The following THSD1 variants were observed in gnomAD, a reference collection of about 807,000 sequenced individuals.
The protein encoded by THSD1 is thrombospondin type-1 domain-containing protein 1.
In THSD1, 34 loss-of-function variants were observed where a neutral mutation model predicts 46.3. The observed-to-expected ratio is 0.74, with a 90% CI of 0.56 to 0.98. THSD1 has a LOEUF of 0.98. Among genes scored for constraint, THSD1 ranks in the 50% least tolerant of loss-of-function variants. The pLI is 0.00. For missense variants in THSD1, 1,023 were observed against 1,058.3 expected (o/e 0.97, Z 0.46); for synonymous variants, 407 against 416.5 (o/e 0.98, Z 0.28).
chr13:52,401,968 C>T (rs932789367), intron 2 of THSD1, among the ~76,000 whole-genome samples: 15 of 152,138 alleles, frequency 9.9e-5, no homozygotes, highest in Admixed American at 7.9e-4. Flanking sequence ...TTAGGTGAAA[C>T]GAATGACGAG....
At chr13:52,403,320 G>C (rs1376186419) in intron 1 of THSD1, among the ~76,000 whole-genome samples, 1 of 152,102 alleles carries the variant, frequency 6.6e-6, no homozygotes, top group African/African-American at 2.4e-5. Context: ...GGAGAAAACA[G>C]ACAAATAACA....
intron 2 of THSD1, among the ~76,000 whole-genome samples, chr13:52,402,074 T>C (rs1367065194): frequency 1.3e-5 from 2 of 152,218 alleles, no homozygotes; most frequent in Admixed American, 6.5e-5. Context: ...ATTGCTGAGA[T>C]TGAAAGAGAT....
rs763997995 is a variant in THSD1 at position 52,397,595 on chromosome 13, T to C, written c.658A>G (p.Lys220Glu). The change falls in exon 3 of 5, where the codon AAG (lysine) becomes GAG (glutamate). Residue 220 changes from lysine (K) to glutamate (E), a missense_variant. Physicochemically the swap from Lys to Glu is moderately conservative, Grantham distance 56. Coordinates refer to ENST00000258613, the MANE Select transcript of THSD1 (RefSeq NM_018676.4). ...GPEAYVTVVL[K>E]LLGRDSVITS... ...ATGACTGAGTCTCGCCCAAGCAGCT[T>C]CAGCACCACGGTGACATAGGCTTCT... 1.4e-5 allele frequency: 23 copies of C among 1,614,052 alleles called. No individual in the cohort carries two copies. In the Admixed American group the frequency reaches 3.8e-4, roughly 27 times the overall value.
rs954970629 is a variant in THSD1, at chr13:52,397,218, AT to A, written c.1021+13del. 5 of 1,526,482 alleles carry A rather than the reference AT, an allele frequency of 3.3e-6. No homozygotes were observed. Among genetic ancestry groups the A allele is most frequent in the East Asian group, 2.3e-5 (1 of 44,176 alleles). 94.6% of individuals were successfully genotyped at this position (1,526,482 alleles called of 1,614,324 possible). On this transcript the variant is annotated intron_variant, in intron 3 of 4. Coordinates refer to ENST00000258613, the MANE Select transcript of THSD1 (RefSeq NM_018676.4). ...GGATTTGATTTAAAATGTTAAAAAA[AT>A]CTCAATACAAACCTGTATTTCTCTG...
intron 4 of THSD1, 32 bp from the exon 5 acceptor site, chr13:52,378,821 CAAAA>C (rs753949907): frequency 4.6e-6 from 7 of 1,524,854 alleles, no homozygotes; most frequent in Non-Finnish European, 5.2e-6. Context: ...AACAAACAAA[CAAAA>C]AACACAGAGG....
At chr13:52,399,384 T>G (rs957640272) in intron 2 of THSD1, among the ~76,000 whole-genome samples, 1 of 152,226 alleles carries the variant, frequency 6.6e-6, no homozygotes, top group Non-Finnish European at 1.5e-5. Flanking sequence ...TGTAAGGGAT[T>G]GAAGTTCCCT....
chr13:52,395,989 C>G (rs748190319), intron 3 of THSD1, among the ~76,000 whole-genome samples: 1 of 151,882 alleles, frequency 6.6e-6, no homozygotes, highest in East Asian at 1.9e-4. Flanking sequence ...TCCTGGCAGG[C>G]GTATCAAAAG....
intron 3 of THSD1, among the ~76,000 whole-genome samples, chr13:52,386,912 A>G (rs1957735469): frequency 6.6e-6 from 1 of 152,184 alleles, no homozygotes. Flanking sequence ...GGAAGAGCCA[A>G]AAATATCCTG....
At position 52,377,679 on chromosome 13, in the gene THSD1, G is replaced by T. The variant is rs1957644300; in HGVS notation, c.2291C>A (p.Ser764Tyr). The T allele has an allele frequency of 6.8e-6, 11 of 1,609,258 alleles. 1 individual carries two copies. The Admixed American group carries it at 1.7e-4, about 24-fold the overall frequency. The change falls in exon 5 of 5, where the codon TCC (serine) becomes TAC (tyrosine). Residue 764 changes from serine (S) to tyrosine (Y), a missense_variant. Physicochemically the swap from Ser to Tyr is moderately radical, Grantham distance 144. Coordinates refer to ENST00000258613, the MANE Select transcript of THSD1 (RefSeq NM_018676.4). ...TEPHRARRGP[S>Y]PSHKSVSRKQ... ...CCTTGAGACACTCTTGTGACTGGGG[G>T]ACGGTCCCCGACGAGCTCTGTGGGG... is the stretch of plus-strand genomic sequence containing the variant.
chr13:52,380,211 G>A (rs917476427), intron 4 of THSD1, among the ~76,000 whole-genome samples: 4 of 152,042 alleles, frequency 2.6e-5, no homozygotes, highest in African/African-American at 9.7e-5. Context: ...CTGGAAACCT[G>A]AGACCAACTA....
intron 4 of THSD1, among the ~76,000 whole-genome samples, chr13:52,382,272 T>C (rs1398841972): frequency 1.3e-5 from 2 of 152,188 alleles, no homozygotes; most frequent in African/African-American, 4.8e-5. Context: ...AGTACTAAAA[T>C]CCTGGGTTTC....
At position 52,377,828 on chromosome 13, in the gene THSD1, C is replaced by T. The variant is rs779271122; in HGVS notation, c.2142G>A (p.Glu714=). The T allele has an allele frequency of 6.2e-7, 1 of 1,614,188 alleles. No homozygotes were observed. Among genetic ancestry groups the T allele is most frequent in the Non-Finnish European group, 8.5e-7 (1 of 1,180,046 alleles). Reference sequence around the variant, plus strand: ...TTAATGGACCACGGGTTCCACTTGCCTCTTGGAAATGCTCCAGTTTTTCAG... The same window carrying T: ...TTAATGGACCACGGGTTCCACTTGCTTCTTGGAAATGCTCCAGTTTTTCAG... The part of the protein sequence containing the change: ...LFPEKLEHFQ[E]ASGTRGPLNP... Residue 714 remains glutamate (E), a synonymous_variant, in exon 5 of 5, where the codon GAG becomes GAA. Transcript: ENST00000258613.
At chr13:52,385,546 CTT>C (rs1483311388) in intron 4 of THSD1, among the ~76,000 whole-genome samples, 2 of 151,954 alleles carry the variant, frequency 1.3e-5, no homozygotes, top group Non-Finnish European at 2.9e-5. Context: ...TAAGGAATAA[CTT>C]AGGCCACTCA....
chr13:52,404,020 T>C (rs1008586287), intron 1 of THSD1, among the ~76,000 whole-genome samples: 8 of 138,064 alleles, frequency 5.8e-5, no homozygotes, highest in African/African-American at 2.2e-4. Flanking sequence ...TGATCTTGGC[T>C]CACTGCAACC....
intron 2 of THSD1, among the ~76,000 whole-genome samples, chr13:52,400,776 A>G (rs951541367): frequency 6.6e-6 from 1 of 152,172 alleles, no homozygotes; most frequent in Non-Finnish European, 1.5e-5. Flanking sequence ...CTCAACCTCT[A>G]TGCTCTTTTT....
Position 52,397,479 on chromosome 13 carries a change from C to T in THSD1, c.774G>A (p.Val258=). Residue 258 remains valine (V), a synonymous_variant, in exon 3 of 5, where the codon GTG becomes GTA. Coordinates refer to ENST00000258613, the MANE Select transcript of THSD1 (RefSeq NM_018676.4). ...PELTCESGVE[V]TVLPPPCTFV... ...AGGTGCATGGTGGAGGCAGCACTGTCACCTCTACCCCGGACTCACATGTGA... is the reference window on the plus strand; with the variant it reads ...AGGTGCATGGTGGAGGCAGCACTGTTACCTCTACCCCGGACTCACATGTGA... 1 of 1,614,122 alleles carries T rather than the reference C, an allele frequency of 6.2e-7. No homozygotes were observed. Among genetic ancestry groups the T allele is most frequent in the Non-Finnish European group, 8.5e-7 (1 of 1,180,042 alleles).
chr13:52,398,293 C>T, intron 2 of THSD1, 99 bp from the exon 3 acceptor site: 1 of 1,504,864 alleles, frequency 6.6e-7, no homozygotes, highest in Non-Finnish European at 8.8e-7. Flanking sequence ...TTTTTTGAGA[C>T]AGGGTCTCAT....
intron 3 of THSD1, among the ~76,000 whole-genome samples, chr13:52,390,534 T>G (rs145143498): frequency 8.6e-4 from 131 of 152,296 alleles, no homozygotes; most frequent in Non-Finnish European, 1.4e-3. Flanking sequence ...GCCTCCAAGA[T>G]CACACTGGAG....
Position 52,392,156 on chromosome 13 carries a change from C to T in THSD1, c.1021+5076G>A, listed in dbSNP as rs531356790. Among the ~76,000 whole-genome samples the T allele has an allele frequency of 6.2e-5, 9 of 144,164 alleles. No homozygotes were observed. The East Asian group carries it at 1.4e-3, about 23-fold the overall frequency. The allele number at this position is 144,164 out of a possible 152,430, so 94.6% of individuals were successfully genotyped here. On this transcript the variant is annotated intron_variant, in intron 3 of 4. Coordinates refer to ENST00000258613, the MANE Select transcript of THSD1 (RefSeq NM_018676.4). ...GCGGTGAGCCGAGATCGCGCCACTGCGCTCCAGCCTGGGGGAGAGAGTGAG... is the reference window on the plus strand; with the variant it reads ...GCGGTGAGCCGAGATCGCGCCACTGTGCTCCAGCCTGGGGGAGAGAGTGAG...
Sources: allele counts gnomAD v4.1 joint callset (sites outside exome capture counted in the v4.1 genomes callset), GRCh38; gene constraint gnomAD v4.1.1; transcripts MANE v1.5; gene names NCBI Gene and HGNC (gene_info 2026-07-23, HGNC 2026-07-21).